Variants in RBFOX3 observed in about 807,000 individuals in gnomAD.
RBFOX3 encodes RNA binding protein fox-1 homolog 3.
In RBFOX3, 17 loss-of-function variants were observed where a neutral mutation model predicts 48.7. The ratio of observed to expected loss-of-function variants is 0.35; its 90% CI spans 0.24 to 0.52. The LOEUF is 0.52. RBFOX3 is among the 20% of genes least tolerant of loss of function. The pLI is 0.94. For synonymous variants in RBFOX3, 212 were observed against 209.5 expected (o/e 1.01, Z -0.10); for missense variants, 382 against 497.5 (o/e 0.77, Z 2.21).
At chr17:79,611,117 C>A (rs1476170299), upstream of RBFOX3, among the ~76,000 whole-genome samples, 530 of 39,122 alleles carry the variant, frequency 0.014, 1 homozygote, top group African/African-American at 0.02. Flanking sequence ...CCTCCCTCCT[C>A]TCTCCGCCCT....
In RBFOX3 at chr17:79,209,101, G is replaced by A. The variant is rs373015088; in HGVS notation, c.-34+26665C>T. On this transcript the variant is annotated intron_variant, in intron 4 of 14. Transcript: ENST00000693108. ...CCCAAAGTGCTGGGATTACAGGCGTGAGCCACCACGCCCGGCCCCTGGCTG... is the reference window on the plus strand; with the variant it reads ...CCCAAAGTGCTGGGATTACAGGCGTAAGCCACCACGCCCGGCCCCTGGCTG... Among the ~76,000 whole-genome samples the A allele has an allele frequency of 2.1e-4, 32 of 151,602 alleles. No individual in the cohort carries two copies. In the East Asian group the frequency reaches 6.1e-3, roughly 29 times the overall value.
chr17:79,499,233 C>T (rs1050537873), intron 1 of RBFOX3, among the ~76,000 whole-genome samples: 27 of 151,894 alleles, frequency 1.8e-4, no homozygotes, highest in African/African-American at 6.5e-4. Flanking sequence ...TCCATTCATC[C>T]ATCCATTCAC....
chr17:79,611,187 C>CGCTCTCGCTCTCCGCCCTCCT (rs2093965777), upstream of RBFOX3, among the ~76,000 whole-genome samples: 2 of 104,830 alleles, frequency 1.9e-5, no homozygotes, highest in Non-Finnish European at 2.0e-5. Flanking sequence ...CCCTCCTTCT[C>CGCTCTCGCTCTCCGCCCTCCT]TCTCTCTCTC....
rs1352226070 is a variant in RBFOX3 at position 79,611,000 on chromosome 17, C to T, written c.-494G>A. Among the ~76,000 whole-genome samples the T allele has an allele frequency of 1.3e-5, 2 of 151,292 alleles. No individual in the cohort carries two copies. Among genetic ancestry groups the T allele is most frequent in the African/African-American group, 2.4e-5 (1 of 41,324 alleles). ...GCTGTGGCAGCTGCTTCTCCTCCGA[C>T]CACGCGAGCTGCTGGGGCCCGGCTG... is the stretch of plus-strand genomic sequence containing the variant. On this transcript the variant is annotated 5_prime_UTR_variant, in exon 1 of 15. Transcript: ENST00000693108.
At chr17:79,279,769 G>T (rs1475634815) in intron 3 of RBFOX3, among the ~76,000 whole-genome samples, 1 of 152,190 alleles carries the variant, frequency 6.6e-6, no homozygotes, top group Admixed American at 6.5e-5. Flanking sequence ...GGGCTCCGCT[G>T]TCCACCCCAG....
intron 4 of RBFOX3, chr17:79,136,450 C>A (rs562770608): frequency 6.6e-6 from 1 of 152,616 alleles, no homozygotes; most frequent in Non-Finnish European, 1.5e-5. Flanking sequence ...GGCCCAGGAG[C>A]GGAGGGGACC....
intron 2 of RBFOX3, among the ~76,000 whole-genome samples, chr17:79,430,829 G>A (rs782411095): frequency 5.9e-5 from 9 of 152,212 alleles, no homozygotes; most frequent in Non-Finnish European, 1.3e-4. Flanking sequence ...ACAGGCGTGA[G>A]CCACCACACC....
intron 2 of RBFOX3, among the ~76,000 whole-genome samples, chr17:79,437,230 C>T (rs2069694420): frequency 6.6e-6 from 1 of 152,144 alleles, no homozygotes; most frequent in African/African-American, 2.4e-5. Flanking sequence ...TCCCCAAGCC[C>T]CAGAGGTTGG....
chr17:79,143,115 G>A (rs867565317), intron 4 of RBFOX3, among the ~76,000 whole-genome samples: 68 of 152,178 alleles, frequency 4.5e-4, no homozygotes, highest in Non-Finnish European at 3.5e-4. Flanking sequence ...TAAGAAGGGT[G>A]GGACCACCTG....
chr17:79,331,509 C>A (rs11653508), intron 2 of RBFOX3, among the ~76,000 whole-genome samples: 78,499 of 151,980 alleles, frequency 0.52, 20,577 homozygotes, highest in East Asian at 0.79. Flanking sequence ...GCCTCTGCCC[C>A]CCCTGGACCC....
chr17:79,407,304 G>C (rs1439911858), intron 2 of RBFOX3, among the ~76,000 whole-genome samples: 1 of 152,240 alleles, frequency 6.6e-6, no homozygotes, highest in African/African-American at 2.4e-5. Context: ...CACCTTGCCT[G>C]CCCTGTTTGC....
intron 5 of RBFOX3, among the ~76,000 whole-genome samples, chr17:79,108,168 T>A (rs929259086): frequency 3.9e-5 from 6 of 152,212 alleles, no homozygotes; most frequent in Admixed American, 3.9e-4. Flanking sequence ...TCAGAGGCCA[T>A]GTGGCTTCTG....
intron 3 of RBFOX3, among the ~76,000 whole-genome samples, chr17:79,275,524 C>T (rs1398761807): frequency 6.6e-6 from 1 of 152,176 alleles, no homozygotes; most frequent in African/African-American, 2.4e-5. Flanking sequence ...CTGGAGGGTG[C>T]AGACCGCACG....
chr17:79,105,963 C>G (rs1283591553), intron 6 of RBFOX3, among the ~76,000 whole-genome samples: 1 of 152,186 alleles, frequency 6.6e-6, no homozygotes, highest in East Asian at 1.9e-4. Context: ...GCATTCAAGT[C>G]CAATAACAAC....
chr17:79,516,371 C>T (rs991742938), intron 1 of RBFOX3, among the ~76,000 whole-genome samples: 2 of 152,246 alleles, frequency 1.3e-5, no homozygotes, highest in African/African-American at 4.8e-5. Flanking sequence ...CCAGCATGCC[C>T]GGGCCTGCCC....
At chr17:79,375,445 G>C (rs11871496) in intron 2 of RBFOX3, among the ~76,000 whole-genome samples, 36,319 of 151,258 alleles carry the variant, frequency 0.24, 5,596 homozygotes, top group East Asian at 0.63. Flanking sequence ...TATTTGGGGA[G>C]TGTTGAGGGT....
intron 3 of RBFOX3, among the ~76,000 whole-genome samples, chr17:79,259,263 C>G (rs1490318924): frequency 6.6e-6 from 1 of 152,194 alleles, no homozygotes; most frequent in Non-Finnish European, 1.5e-5. Flanking sequence ...GCTGTGCTGT[C>G]CTCGGGTCGA....
chr17:79,220,314 AC>A lies in RBFOX3; in HGVS notation c.-34+15451del, dbSNP rs1437793016. 2.6e-5 allele frequency among the ~76,000 whole-genome samples: 4 copies of A among 152,168 alleles called. No homozygotes were observed. The highest frequency in any genetic ancestry group is 4.1e-4 in the South Asian group (2 of 4,824). ...AGGGGCTTGGTCCCCCAACGCTGGCACTCAGTTTAGCTGTCACTTGCAGCTG... is the reference window on the plus strand; with the variant it reads ...AGGGGCTTGGTCCCCCAACGCTGGCATCAGTTTAGCTGTCACTTGCAGCTG... On this transcript the variant is annotated intron_variant, in intron 4 of 14. Coordinates refer to ENST00000693108, the MANE Select transcript of RBFOX3 (RefSeq NM_001350451.2). The surrounding 1 kb of genome is among the most constrained non-coding windows in gnomAD (Gnocchi z 5.9).
At chr17:79,599,680 T>C (rs1353580684) in intron 1 of RBFOX3, 2 of 152,258 alleles carry the variant, frequency 1.3e-5, no homozygotes, top group African/African-American at 4.8e-5. Flanking sequence ...CTGGGCTACC[T>C]GGCTGGGGAA....
Sources: allele counts gnomAD v4.1 joint callset (sites outside exome capture counted in the v4.1 genomes callset), GRCh38; gene constraint gnomAD v4.1.1; non-coding constraint Gnocchi (gnomAD v3.1); transcripts MANE v1.5; gene names NCBI Gene and HGNC (gene_info 2026-07-23, HGNC 2026-07-21).